MX2: variants seen among roughly 807,000 people sequenced by gnomAD.
The protein encoded by MX2 is interferon-induced GTP-binding protein Mx2.
MX2 carries 51 observed loss-of-function variants against 74.0 expected under a neutral mutation model. That is an observed-to-expected ratio of 0.69 (90% confidence interval 0.55 to 0.87). The LOEUF (loss-of-function observed/expected upper bound fraction) is 0.87, where lower values mean the gene tolerates loss of function less well. Ranked by LOEUF, MX2 falls within the 40% of genes least tolerant of loss-of-function variation. The pLI is 0.00. For missense variants in MX2, 832 were observed against 908.7 expected, an observed-to-expected ratio of 0.92 and a Z score of 1.09; for synonymous variants, 369 against 339.3, an observed-to-expected ratio of 1.09 and a Z score of -0.96.
In MX2 at chr21:41,388,682, C is replaced by G. The variant is rs934524404; in HGVS notation, c.733-1883C>G. ...GCTAATGTTTGCTGCATGCACATAA[C>G]GTGCTCTTTATGGTCACCCCCTCTC... On this transcript the variant is annotated intron_variant, in intron 5 of 13. Coordinates refer to ENST00000330714, the MANE Select transcript of MX2 (RefSeq NM_002463.2). This position sits in a 1 kb window ranked among gnomAD's most constrained non-coding sequence, Gnocchi z 4.0. 6.6e-6 allele frequency among the ~76,000 whole-genome samples: 1 copy of G among 152,186 alleles called. No homozygotes were observed. Among genetic ancestry groups the G allele is most frequent in the Non-Finnish European group, 1.5e-5 (1 of 68,024 alleles).
intron 5 of MX2, among the ~76,000 whole-genome samples, chr21:41,383,763 C>T (rs1163275317): frequency 1.3e-5 from 2 of 152,160 alleles, no homozygotes; most frequent in Non-Finnish European, 2.9e-5. Flanking sequence ...TCCAAATCGC[C>T]ATTCTCTGTC....
At chr21:41,396,450 G>T (rs2089736085) in intron 7 of MX2, among the ~76,000 whole-genome samples, 1 of 149,242 alleles carries the variant, frequency 6.7e-6, no homozygotes, top group Admixed American at 6.8e-5. Context: ...CAGGAGCACA[G>T]AGGTCACTCC....
chr21:41,374,387 C>G (rs1337045683), intron 1 of MX2, among the ~76,000 whole-genome samples: 1 of 152,232 alleles, frequency 6.6e-6, no homozygotes, highest in Non-Finnish European at 1.5e-5. Flanking sequence ...CTGCCCTGCC[C>G]CTCGCCGAGT....
In MX2 at chr21:41,399,357, C is replaced by T. The variant is rs1416309029; in HGVS notation, c.1414+20C>T. The T allele has an allele frequency of 1.2e-6, 2 of 1,610,236 alleles. No individual in the cohort carries two copies. Among genetic ancestry groups the T allele is most frequent in the Admixed American group, 1.7e-5 (1 of 59,558 alleles). ...AAAAAGGTAAGTTCTGGGCAGGGCT[C>T]CCTGCAAAACAGGGTGGTATTTACC... On this transcript the variant is annotated intron_variant, in intron 10 of 13. Coordinates refer to ENST00000330714, the MANE Select transcript of MX2 (RefSeq NM_002463.2).
intron 1 of MX2, chr21:41,365,203 ATTTGT>A (rs1460357626): frequency 6.6e-6 from 1 of 150,990 alleles, no homozygotes; most frequent in African/African-American, 2.4e-5. Flanking sequence ...AAACAGGAAA[ATTTGT>A]TTGTTTGTTT....
chr21:41,392,907 C>A (rs567039518), intron 6 of MX2, among the ~76,000 whole-genome samples: 1 of 152,106 alleles, frequency 6.6e-6, no homozygotes, highest in Non-Finnish European at 1.5e-5. Flanking sequence ...GAGTTCGAGA[C>A]CACCCTGGCC....
rs755018135 is a variant in MX2, at chr21:41,399,030, C to T, written c.1272+11C>T. ...TTCTTTCTAATTGAGGTGAGGATTT[C>T]CGCAGGACTCCACGTGACACTGCAT... On this transcript the variant is annotated intron_variant, in intron 9 of 13. Transcript: ENST00000330714. 1.9e-6 allele frequency: 3 copies of T among 1,611,058 alleles called. No individual in the cohort carries two copies. Among genetic ancestry groups the T allele is most frequent in the Non-Finnish European group, 2.5e-6 (3 of 1,177,730 alleles).
At chr21:41,399,708 G>A (rs1186200106) in intron 10 of MX2, 2 of 182,546 alleles carry the variant, frequency 1.1e-5, no homozygotes, top group Non-Finnish European at 2.3e-5. Flanking sequence ...TGGGACCACA[G>A]GCATGAACCA....
At chr21:41,390,439 C>A in intron 5 of MX2, 126 bp from the exon 6 acceptor site, 1 of 1,397,728 alleles carries the variant, frequency 7.2e-7, no homozygotes. Flanking sequence ...CTCGGCCTAG[C>A]AAAGCCCAGA....
chr21:41,368,151 G>T lies in MX2; in HGVS notation c.-72+6096G>T, dbSNP rs796941446. ...AGTGCAGCGGCTCCTGAAAGCAGAG[G>T]CCTGCACCCCTAAGCCTCTTAAGCC... is the stretch of plus-strand genomic sequence containing the variant. On this transcript the variant is annotated intron_variant, in intron 1 of 13. Coordinates refer to ENST00000330714, the MANE Select transcript of MX2 (RefSeq NM_002463.2). This position sits in a 1 kb window ranked among gnomAD's most constrained non-coding sequence, Gnocchi z 4.6. Among the ~76,000 whole-genome samples, 1 of 152,160 alleles carries T rather than the reference G, an allele frequency of 6.6e-6. No homozygotes were observed. Among genetic ancestry groups the T allele is most frequent in the Admixed American group, 6.5e-5 (1 of 15,286 alleles).
intron 5 of MX2, among the ~76,000 whole-genome samples, chr21:41,385,352 C>T (rs763266268): frequency 5.3e-5 from 8 of 152,336 alleles, no homozygotes; most frequent in East Asian, 1.9e-4. Context: ...CCCCACGTGT[C>T]GTGGGAGGGA....
chr21:41,367,837 G>T (rs1467367380), intron 1 of MX2, among the ~76,000 whole-genome samples: 1 of 152,070 alleles, frequency 6.6e-6, no homozygotes, highest in Non-Finnish European at 1.5e-5. Flanking sequence ...GTCCTTCCTT[G>T]GATCCGTCAC....
chr21:41,408,022 C>T lies in MX2; in HGVS notation c.1937C>T (p.Pro646Leu). 1 of 1,614,184 alleles carries T rather than the reference C, an allele frequency of 6.2e-7. No individual in the cohort carries two copies. The highest frequency in any genetic ancestry group is 1.3e-5 in the African/African-American group (1 of 75,032). ...AGCAAACGTCTCGCCAACCAGATCC[C>T]ATTTATAATTCAGTATTTTATGCTC... ...ETSKRLANQI[P>L]FIIQYFMLRE... is the part of the protein sequence containing the mutation. Residue 646 changes from proline (P) to leucine (L), a missense_variant, in exon 14 of 14, where the codon CCA becomes CTA. Coordinates refer to ENST00000330714, the MANE Select transcript of MX2 (RefSeq NM_002463.2).
At chr21:41,393,542 C>T (rs1023172851) in intron 6 of MX2, among the ~76,000 whole-genome samples, 6 of 152,080 alleles carry the variant, frequency 3.9e-5, no homozygotes, top group African/African-American at 1.4e-4. Flanking sequence ...TCTCTCGGGT[C>T]GCTTCCGTCA....
At position 41,390,573 on chromosome 21, in the gene MX2, T is replaced by C; in HGVS notation, c.741T>C (p.Ala247=). 6.2e-7 allele frequency: 1 copy of C among 1,614,118 alleles called. No individual in the cohort carries two copies. Among genetic ancestry groups the C allele is most frequent in the Non-Finnish European group, 8.5e-7 (1 of 1,179,998 alleles). Reference sequence around the variant, plus strand: ...CGATTCTTTGGCATCAGATCAAGGCTCTCATCAAGAAGTACATCCAGAGGC... The same window carrying C: ...CGATTCTTTGGCATCAGATCAAGGCCCTCATCAAGAAGTACATCCAGAGGC... The part of the protein sequence containing the change: ...QPRDIGLQIK[A]LIKKYIQRQQ... Residue 247 remains alanine, a synonymous_variant, in exon 6 of 14, where the codon GCT becomes GCC. Transcript: ENST00000330714.
chr21:41,407,913 A>G, intron 13 of MX2, 78 bp from the exon 14 acceptor site: 1 of 1,572,040 alleles, frequency 6.4e-7, no homozygotes, highest in Non-Finnish European at 8.7e-7. Context: ...CGCATCCAGG[A>G]ACTCCATGCC....
At chr21:41,362,744 T>C (rs1420887572) in intron 1 of MX2, among the ~76,000 whole-genome samples, 2 of 116,296 alleles carry the variant, frequency 1.7e-5, no homozygotes, top group Non-Finnish European at 3.6e-5. Context: ...GACGCAGTTT[T>C]TTTTTCTTTT....
intron 5 of MX2, chr21:41,390,037 C>T (rs1295076786): frequency 6.5e-6 from 1 of 153,194 alleles, no homozygotes. Flanking sequence ...TAGAAAGAAA[C>T]ACGTGGAGAT....
At chr21:41,365,658 T>G (rs1032312471) in intron 1 of MX2, 12 of 152,234 alleles carry the variant, frequency 7.9e-5, no homozygotes, top group African/African-American at 2.9e-4. Context: ...ATTCTATGTC[T>G]TTGCTATTGT....
Sources: gnomAD v4.1 joint callset for allele counts (sites outside exome capture counted in the v4.1 genomes callset) on GRCh38, gnomAD v4.1.1 for gene constraint, Gnocchi (gnomAD v3.1) non-coding constraint, MANE v1.5 for transcripts, NCBI Gene and HGNC (gene_info 2026-07-23, HGNC 2026-07-21) for gene names.